The following BCCIP variants were observed in gnomAD, a reference collection of about 807,000 sequenced individuals.
The protein encoded by BCCIP is BRCA2 and CDKN1A interacting protein, also known as BRCA2 and CDKN1A-interacting protein.
A neutral mutation model predicts 32.8 loss-of-function variants in BCCIP; 23 were observed. The observed-to-expected ratio is 0.70, with a 90% CI of 0.51 to 0.99. BCCIP has a LOEUF of 0.99. Among genes scored for constraint, BCCIP ranks in the 50% least tolerant of loss-of-function variants. The probability of loss-of-function intolerance (pLI) is 0.00; values close to 1 mark genes in which losing one functional copy is unlikely to be tolerated. For synonymous variants in BCCIP, 144 were observed against 137.6 expected (o/e 1.05, Z -0.33); for missense variants, 378 against 379.8 (o/e 1.00, Z 0.04).
At chr10:125,840,837 A>C (rs547254735), downstream of BCCIP, 9 of 1,563,740 alleles carry the variant, frequency 5.8e-6, no homozygotes, top group Admixed American at 1.7e-4. Context: ...GTTTCTGAGC[A>C]TTCACTTACA....
intron 1 of BCCIP, 113 bp from the exon 2 acceptor site, chr10:125,826,478 T>C (rs1406812053): frequency 2.0e-6 from 3 of 1,484,276 alleles, no homozygotes; most frequent in Non-Finnish European, 2.7e-6. Context: ...GAAGAAATAG[T>C]GTGAAGGTGC....
chr10:125,844,751 T>G (rs1943990705), downstream of BCCIP, among the ~76,000 whole-genome samples: 1 of 152,236 alleles, frequency 6.6e-6, no homozygotes, highest in Non-Finnish European at 1.5e-5. Flanking sequence ...GGAAGTGTTT[T>G]AGTGTCAGGC....
downstream of BCCIP, chr10:125,840,991 T>C (rs759245344): frequency 2.5e-6 from 4 of 1,595,992 alleles, no homozygotes; most frequent in Admixed American, 3.5e-5. Flanking sequence ...GAAAAGCAAT[T>C]TGGAGCTTCA....
intron 5 of BCCIP, among the ~76,000 whole-genome samples, chr10:125,832,385 G>A (rs903989300): frequency 2.0e-5 from 3 of 151,990 alleles, no homozygotes; most frequent in Non-Finnish European, 4.4e-5. Flanking sequence ...CATAGCCCTT[G>A]CGTTGTGGTT....
At chr10:125,843,138 C>A (rs1196096749), downstream of BCCIP, among the ~76,000 whole-genome samples, 1 of 151,888 alleles carries the variant, frequency 6.6e-6, no homozygotes, top group Non-Finnish European at 1.5e-5. Flanking sequence ...ATTGTTATAC[C>A]CCAAAACTGC....
At chr10:125,824,180 C>T (rs1421754685) in intron 1 of BCCIP, among the ~76,000 whole-genome samples, 11 of 152,166 alleles carry the variant, frequency 7.2e-5, no homozygotes, top group Admixed American at 6.5e-4. Context: ...TCTTCTTTAT[C>T]CTGCAGTTTT....
exon 8 of BCCIP, chr10:125,853,214 T>G (rs1216141937): frequency 6.2e-7 from 1 of 1,611,854 alleles, no homozygotes; most frequent in East Asian, 2.2e-5. Context: ...CCAGGGAACC[T>G]TCATGACTGT....
chr10:125,826,806 C>T (rs1177553048), intron 2 of BCCIP, 141 bp downstream of exon 2: 3 of 1,401,288 alleles, frequency 2.1e-6, no homozygotes, highest in Non-Finnish European at 2.8e-6. Flanking sequence ...TTGAGACCAG[C>T]CTGGGCAACA....
intron 1 of BCCIP, chr10:125,825,787 A>G (rs1854376150): frequency 6.6e-6 from 1 of 152,202 alleles, no homozygotes; most frequent in Non-Finnish European, 1.5e-5. Flanking sequence ...AGGGTCCTCA[A>G]GGACTAATCT....
intron 4 of BCCIP, 95 bp downstream of exon 4, chr10:125,830,746 GAT>G (rs1412988012): frequency 1.3e-6 from 1 of 747,674 alleles, no homozygotes; most frequent in African/African-American, 1.8e-5. Flanking sequence ...GTTAAACAGT[GAT>G]ATTAACTATA....
At chr10:125,853,037 T>G (rs2134045631) in intron 7 of BCCIP, 1 of 945,914 alleles carries the variant, frequency 1.1e-6, no homozygotes, top group East Asian at 2.5e-5. Context: ...ATCTTGGTGG[T>G]CTCACCTTTA....
At chr10:125,829,945 G>A (rs1268779851) in intron 3 of BCCIP, among the ~76,000 whole-genome samples, 1 of 152,200 alleles carries the variant, frequency 6.6e-6, no homozygotes, top group Non-Finnish European at 1.5e-5. Context: ...CTTGTTCTTA[G>A]TAAAGGGACT....
chr10:125,844,462 T>C (rs144278707), downstream of BCCIP, among the ~76,000 whole-genome samples: 102 of 152,346 alleles, frequency 6.7e-4, no homozygotes, highest in East Asian at 6.7e-3. Context: ...GTAACATAAA[T>C]GACTTCATGA....
downstream of BCCIP, among the ~76,000 whole-genome samples, chr10:125,845,194 T>C (rs1024860997): frequency 1.3e-5 from 2 of 152,186 alleles, no homozygotes; most frequent in South Asian, 2.1e-4. Context: ...CATGTTCTTA[T>C]AGTGTTCTTA....
At chr10:125,851,675 A>G (rs1290954339) in intron 7 of BCCIP, among the ~76,000 whole-genome samples, 1 of 152,198 alleles carries the variant, frequency 6.6e-6, no homozygotes, top group African/African-American at 2.4e-5. Flanking sequence ...TCTCTGGCAT[A>G]TTTTGAGCTG....
At chr10:125,826,945 A>G (rs769490918) in intron 2 of BCCIP, among the ~76,000 whole-genome samples, 7 of 144,226 alleles carry the variant, frequency 4.9e-5, no homozygotes, top group African/African-American at 1.5e-4. Flanking sequence ...GGCTGCAGCT[A>G]TGAATGTGCC....
intron 1 of BCCIP, chr10:125,826,313 A>T: frequency 2.6e-6 from 1 of 379,796 alleles, no homozygotes; most frequent in Non-Finnish European, 4.7e-6. Flanking sequence ...AATTCCAGGG[A>T]CTTTTGAAGT....
Position 125,834,813 on chromosome 10 carries a change from A to AAAAG in BCCIP, c.774+870_774+871insGAAA, listed in dbSNP as rs1854614691. Reference sequence around the variant, plus strand: ...GCAACAAGGAAGAAACTCCGTCTCAAAAACAAACAAACAAACAAAAAACAC... The same window carrying AAAAG: ...GCAACAAGGAAGAAACTCCGTCTCAAAAAGAAACAAACAAACAAACAAAAAACAC... On this transcript the variant is annotated intron_variant, in intron 6 of 6. Coordinates refer to ENST00000278100, the MANE Select transcript of BCCIP (RefSeq NM_078468.3). Among the ~76,000 whole-genome samples the AAAAG allele has an allele frequency of 6.6e-5, 3 of 45,710 alleles. No individual in the cohort carries two copies. In the South Asian group the frequency reaches 3.0e-3, roughly 46 times the overall value. 30.0% of individuals were successfully genotyped at this position (45,710 alleles called of 152,430 possible). A position where few individuals can be genotyped will look rare whatever the true frequency, so the allele number is the denominator to read the frequency against.
At chr10:125,841,499 T>C, downstream of BCCIP, 1 of 1,450,890 alleles carries the variant, frequency 6.9e-7, no homozygotes, top group Non-Finnish European at 9.0e-7. Flanking sequence ...TCTAGTATGT[T>C]TTCATACATC....
Sources: gnomAD v4.1 joint callset for allele counts (sites outside exome capture counted in the v4.1 genomes callset) on GRCh38, gnomAD v4.1.1 for gene constraint, MANE v1.5 for transcripts, NCBI Gene and HGNC (gene_info 2026-07-23, HGNC 2026-07-21) for gene names.